The following AMBRA1 variants were observed in gnomAD, a reference collection of about 807,000 sequenced individuals.
AMBRA1 encodes activating molecule in BECN1-regulated autophagy protein 1.
AMBRA1 carries 47 observed loss-of-function variants against 125.4 expected under a neutral mutation model. The ratio of observed to expected loss-of-function variants is 0.37; its 90% CI spans 0.30 to 0.48. AMBRA1 has a LOEUF of 0.48. Ranked by LOEUF, AMBRA1 falls within the 20% of genes least tolerant of loss-of-function variation. The probability of loss-of-function intolerance (pLI) is 0.99; values close to 1 mark genes in which losing one functional copy is unlikely to be tolerated. For missense variants in AMBRA1, 1,331 were observed against 1,693.4 expected (o/e 0.79, Z 3.76); for synonymous variants, 626 against 655.5 (o/e 0.95, Z 0.69).
chr11:46,403,562 G>A (rs894413938), intron 17 of AMBRA1, among the ~76,000 whole-genome samples: 11 of 152,212 alleles, frequency 7.2e-5, no homozygotes. Context: ...ATCAGTGCTG[G>A]AAGCCAACGG....
chr11:46,494,036 G>A lies in AMBRA1; in HGVS notation c.2420+88C>T, dbSNP rs141588537. ...CCCACTAGGAAACAATGCCAGATGT[G>A]GACAATTCAAAGACCAGAAAGTAGG... On this transcript the variant is annotated intron_variant, in intron 10 of 17. Coordinates refer to ENST00000683756, the MANE Select transcript of AMBRA1 (RefSeq NM_001387011.1). 2.4e-3 allele frequency: 3,058 copies of A among 1,290,520 alleles called. 20 individuals carry two copies. Among genetic ancestry groups the A allele is most frequent in the Middle Eastern group, 0.013 (72 of 5,450 alleles). The allele number at this position is 1,290,520 out of a possible 1,614,324, so 79.9% of individuals were successfully genotyped here. A position where few individuals can be genotyped will look rare whatever the true frequency, so the allele number is the denominator to read the frequency against.
chr11:46,433,139 G>C (rs559069493), intron 14 of AMBRA1, among the ~76,000 whole-genome samples: 1 of 152,230 alleles, frequency 6.6e-6, no homozygotes, highest in Non-Finnish European at 1.5e-5. Context: ...CACACAAAAA[G>C]CTTTAAAAAT....
rs891189757 is a variant in AMBRA1, at chr11:46,432,906, G to A, written c.2976+568C>T. Among the ~76,000 whole-genome samples the A allele has an allele frequency of 3.9e-5, 6 of 152,184 alleles. No homozygotes were observed. In the East Asian group the frequency reaches 5.8e-4, roughly 15 times the overall value. On this transcript the variant is annotated intron_variant, in intron 14 of 17. Transcript: ENST00000683756. The stretch of plus-strand genomic sequence containing the variant: ...AGTCTGGCTGAGGCCAAAAGGCCAC[G>A]AACCACAGGATGCCCAGAAGGCTTT...
intron 7 of AMBRA1, among the ~76,000 whole-genome samples, chr11:46,527,477 C>CAAAAAAAAAAAAAAAAAAAAAAAAAA (rs59904013): frequency 1.2e-4 from 3 of 25,940 alleles, no homozygotes; most frequent in Non-Finnish European, 1.8e-4. Flanking sequence ...GAGACTGTCT[C>CAAAAAAAAAAAAAAAAAAAAAAAAAA]AAAAAAAAAA....
At chr11:46,444,199 C>T (rs1180165754) in intron 11 of AMBRA1, among the ~76,000 whole-genome samples, 1 of 152,172 alleles carries the variant, frequency 6.6e-6, no homozygotes, top group East Asian at 1.9e-4. Flanking sequence ...TGGCACGTAA[C>T]ACAATAAAAA....
chr11:46,575,875 C>T (rs2043945500), intron 1 of AMBRA1, among the ~76,000 whole-genome samples: 2 of 152,184 alleles, frequency 1.3e-5, no homozygotes, highest in Admixed American at 6.5e-5. Context: ...TGCACCCTCA[C>T]CTGAGCAATT....
At chr11:46,452,847 C>T (rs889604984) in intron 11 of AMBRA1, among the ~76,000 whole-genome samples, 10 of 152,132 alleles carry the variant, frequency 6.6e-5, no homozygotes, top group African/African-American at 1.2e-4. Flanking sequence ...TCTCTGAGTT[C>T]TCATTTATGA....
intron 11 of AMBRA1, among the ~76,000 whole-genome samples, chr11:46,477,610 C>T (rs529460213): frequency 7.5e-4 from 114 of 151,086 alleles, no homozygotes; most frequent in African/African-American, 2.7e-3. Context: ...GCTGGGATTA[C>T]AGGCTTGAGC....
chr11:46,551,377 A>G (rs565752534), intron 1 of AMBRA1, among the ~76,000 whole-genome samples: 11 of 152,164 alleles, frequency 7.2e-5, no homozygotes, highest in African/African-American at 2.4e-4. Flanking sequence ...CGATGGTGCA[A>G]TCATGGCTCA....
At chr11:46,510,024 C>G (rs563663324) in intron 8 of AMBRA1, among the ~76,000 whole-genome samples, 1 of 152,270 alleles carries the variant, frequency 6.6e-6, no homozygotes, top group African/African-American at 2.4e-5. Flanking sequence ...CATAGGCTGC[C>G]TCTGAAATGC....
At chr11:46,412,377 T>C (rs998921651) in intron 15 of AMBRA1, among the ~76,000 whole-genome samples, 2 of 152,204 alleles carry the variant, frequency 1.3e-5, no homozygotes, top group African/African-American at 4.8e-5. Context: ...CTGACTTCCC[T>C]GGGCTCAGGT....
At chr11:46,587,391 A>G (rs2044441876) in intron 1 of AMBRA1, among the ~76,000 whole-genome samples, 1 of 152,150 alleles carries the variant, frequency 6.6e-6, no homozygotes, top group African/African-American at 2.4e-5. Flanking sequence ...AAAAAAAAGT[A>G]AAAAATTAAA....
intron 1 of AMBRA1, among the ~76,000 whole-genome samples, chr11:46,590,222 T>G (rs2044547917): frequency 1.3e-5 from 2 of 151,724 alleles, no homozygotes; most frequent in Admixed American, 1.3e-4. Flanking sequence ...ATACAAAAAA[T>G]TAGCTGGGTG....
Position 46,397,418 on chromosome 11 carries a change from T to C in AMBRA1, c.*32A>G, listed in dbSNP as rs779716895. Reference sequence around the variant, plus strand: ...GTGAGGTCCGGTTTCTGCTTGGCGGTTCGAGGGGAGGCACCAGTGCAACGT... The same window carrying C: ...GTGAGGTCCGGTTTCTGCTTGGCGGCTCGAGGGGAGGCACCAGTGCAACGT... On this transcript the variant is annotated 3_prime_UTR_variant, in exon 18 of 18. Coordinates refer to ENST00000683756, the MANE Select transcript of AMBRA1 (RefSeq NM_001387011.1). 1 of 1,466,100 alleles carries C rather than the reference T, an allele frequency of 6.8e-7. No homozygotes were observed. Among genetic ancestry groups the C allele is most frequent in the Non-Finnish European group, 9.0e-7 (1 of 1,106,164 alleles). 90.8% of individuals were successfully genotyped at this position (1,466,100 alleles called of 1,614,324 possible).
intron 16 of AMBRA1, among the ~76,000 whole-genome samples, chr11:46,409,947 C>A (rs925892991): frequency 4.8e-4 from 73 of 152,216 alleles, no homozygotes; most frequent in African/African-American, 1.7e-3. Context: ...TCTGGAAGAG[C>A]CTGGGCCATG....
At chr11:46,471,511 G>A (rs1302910274) in intron 11 of AMBRA1, among the ~76,000 whole-genome samples, 3 of 151,882 alleles carry the variant, frequency 2.0e-5, no homozygotes, top group Non-Finnish European at 4.4e-5. Context: ...CTGGGAGATG[G>A]AGGTTGCAGT....
intron 13 of AMBRA1, among the ~76,000 whole-genome samples, 172 bp from the exon 14 acceptor site, chr11:46,433,800 G>A (rs1947569668): frequency 6.6e-6 from 1 of 152,164 alleles, no homozygotes; most frequent in Non-Finnish European, 1.5e-5. Flanking sequence ...TACATACTGA[G>A]TGTAGTGTTT....
At chr11:46,441,970 C>CTTT (rs764444865) in intron 12 of AMBRA1, among the ~76,000 whole-genome samples, 167 of 116,612 alleles carry the variant, frequency 1.4e-3, no homozygotes, top group Non-Finnish European at 2.0e-3. Context: ...AAAAAAAAAA[C>CTTT]TTTTTTTTTT....
At position 46,433,482 on chromosome 11, in the gene AMBRA1, A is replaced by T; in HGVS notation, c.2968T>A (p.Ser990Thr). The T allele has an allele frequency of 6.2e-7, 1 of 1,614,030 alleles. No individual in the cohort carries two copies. Among genetic ancestry groups the T allele is most frequent in the Non-Finnish European group, 8.5e-7 (1 of 1,179,950 alleles). Residue 990 changes from serine to threonine, a missense_variant, in exon 14 of 18, where the codon TCC becomes ACC. Coordinates refer to ENST00000683756, the MANE Select transcript of AMBRA1 (RefSeq NM_001387011.1). ...CAAGCAATGGCACTCACCCTCATGG[A>T]GGTCTCTCCACCATGGGCCTGTTGC... ...RLQQAHGGETSMRRVFNVLYP... is the reference protein window; with the variant it reads ...RLQQAHGGETTMRRVFNVLYP...
Sources: gnomAD v4.1 joint callset for allele counts (sites outside exome capture counted in the v4.1 genomes callset) on GRCh38, gnomAD v4.1.1 for gene constraint, MANE v1.5 for transcripts, NCBI Gene and HGNC (gene_info 2026-07-23, HGNC 2026-07-21) for gene names.